DPP6: variants seen among roughly 807,000 people sequenced by gnomAD.
DPP6 encodes the protein dipeptidyl peptidase like 6.
DPP6 carries 69 observed loss-of-function variants against 122.6 expected under a neutral mutation model. The observed-to-expected ratio is 0.56, with a 90% CI of 0.46 to 0.69. The LOEUF (loss-of-function observed/expected upper bound fraction) is 0.69. DPP6 is among the 30% of genes least tolerant of loss of function. The pLI is 0.00. For synonymous variants in DPP6, 418 were observed against 433.1 expected (o/e 0.97, Z 0.43); for missense variants, 928 against 1,116.9 (o/e 0.83, Z 2.41).
intron 8 of DPP6, among the ~76,000 whole-genome samples, chr7:154,746,143 T>TC (rs1281386468): frequency 6.6e-6 from 1 of 152,132 alleles, no homozygotes; most frequent in African/African-American, 2.4e-5. Context: ...TTCCAGGATT[T>TC]CAGAAAGGGG....
At chr7:154,010,326 A>G (rs1391451026) in intron 1 of DPP6, among the ~76,000 whole-genome samples, 1 of 152,262 alleles carries the variant, frequency 6.6e-6, no homozygotes, top group Admixed American at 6.5e-5. Context: ...ATAGACACAT[A>G]CAACGGAAGC....
At chr7:153,975,555 A>C (rs11770762) in intron 1 of DPP6, among the ~76,000 whole-genome samples, 100,667 of 149,260 alleles carry the variant, frequency 0.67, 35,693 homozygotes, top group Non-Finnish European at 0.81. Context: ...TCTAAAAAAA[A>C]AAAAGAAAAT....
At chr7:154,063,105 C>A (rs1203147828) in intron 1 of DPP6, among the ~76,000 whole-genome samples, 21 of 132,886 alleles carry the variant, frequency 1.6e-4, no homozygotes, top group Non-Finnish European at 3.0e-4. Context: ...GCTGTTAGTA[C>A]CCCCATCGCA....
chr7:153,764,026 T>C, the DPP6 span, among the ~76,000 whole-genome samples: 1 of 152,218 alleles, frequency 6.6e-6, no homozygotes, highest in Non-Finnish European at 1.5e-5. Flanking sequence ...TTTCTCCAGC[T>C]GTCCCTTTAG....
At chr7:154,166,727 A>G (rs1797271659) in intron 1 of DPP6, among the ~76,000 whole-genome samples, 1 of 145,256 alleles carries the variant, frequency 6.9e-6, no homozygotes, top group Non-Finnish European at 1.5e-5. Flanking sequence ...CCTGGCCAAC[A>G]TGGCGAAACC....
chr7:154,270,695 C>A (rs1803727828), intron 1 of DPP6, among the ~76,000 whole-genome samples: 1 of 152,236 alleles, frequency 6.6e-6, no homozygotes, highest in Non-Finnish European at 1.5e-5. Context: ...GTGAGTAGGT[C>A]ACTTATTACC....
chr7:154,784,916 C>A (rs1259891384), intron 10 of DPP6, among the ~76,000 whole-genome samples: 1 of 152,128 alleles, frequency 6.6e-6, no homozygotes, highest in African/African-American at 2.4e-5. Context: ...CCTTTCCTGC[C>A]TTCTTTTCTT....
At chr7:153,864,692 C>G in the DPP6 span, among the ~76,000 whole-genome samples, 20 of 150,070 alleles carry the variant, frequency 1.3e-4, no homozygotes, top group African/African-American at 4.7e-4. Flanking sequence ...CACACACACA[C>G]ACACACACAC....
intron 10 of DPP6, among the ~76,000 whole-genome samples, chr7:154,789,710 T>C (rs537379613): frequency 6.6e-6 from 1 of 152,338 alleles, no homozygotes; most frequent in Admixed American, 6.5e-5. Flanking sequence ...AAGTAAATGT[T>C]TTATTTTCCC....
intron 4 of DPP6, among the ~76,000 whole-genome samples, chr7:154,563,910 T>C (rs1274522355): frequency 1.3e-5 from 2 of 152,160 alleles, no homozygotes. Flanking sequence ...AGACTGCGCA[T>C]GGTTTTTAGA....
chr7:154,340,416 C>A (rs966540050), intron 1 of DPP6, among the ~76,000 whole-genome samples: 1 of 152,208 alleles, frequency 6.6e-6, no homozygotes, highest in Non-Finnish European at 1.5e-5. Context: ...TGCTTCCTCT[C>A]CATCCCCAGC....
At chr7:154,008,946 T>A (rs1403638394) in intron 1 of DPP6, among the ~76,000 whole-genome samples, 2 of 148,554 alleles carry the variant, frequency 1.3e-5, no homozygotes, top group African/African-American at 4.9e-5. Context: ...ATTACAGGCG[T>A]GAGCCACCGC....
intron 3 of DPP6, among the ~76,000 whole-genome samples, chr7:154,476,639 A>T (rs1203213559): frequency 6.6e-6 from 1 of 152,224 alleles, no homozygotes; most frequent in African/African-American, 2.4e-5. Context: ...TCTTAAAGCG[A>T]TGGCTAGGAG....
the DPP6 span, among the ~76,000 whole-genome samples, chr7:153,801,619 C>G: frequency 1.3e-5 from 2 of 152,140 alleles, no homozygotes. Flanking sequence ...GACCCCTAAG[C>G]TATTAAGTGG....
chr7:154,857,957 T>G (rs1284241336), intron 17 of DPP6, among the ~76,000 whole-genome samples: 1 of 152,188 alleles, frequency 6.6e-6, no homozygotes, highest in Non-Finnish European at 1.5e-5. Context: ...TGCAGATGCC[T>G]GTTTCATCCA....
intron 1 of DPP6, among the ~76,000 whole-genome samples, chr7:154,404,942 C>T (rs1376715766): frequency 6.6e-6 from 1 of 152,122 alleles, no homozygotes; most frequent in East Asian, 1.9e-4. Flanking sequence ...AAAAGACATC[C>T]ATTAAAAATT....
At chr7:154,656,092 G>A (rs1057348033) in intron 6 of DPP6, among the ~76,000 whole-genome samples, 2 of 151,506 alleles carry the variant, frequency 1.3e-5, no homozygotes, top group African/African-American at 4.9e-5. Flanking sequence ...AGAGGAGCGG[G>A]GCTGCGGTCA....
Position 154,097,820 on chromosome 7 carries a change from C to T in DPP6, c.243+44757C>T, listed in dbSNP as rs149729929. On this transcript the variant is annotated intron_variant, in intron 1 of 25. Coordinates refer to ENST00000377770, the MANE Select transcript of DPP6 (RefSeq NM_130797.4). ...TTATGTGGCCTCTGGCAGGAGGCCTCGGGTGCTAGCCACGTAGGCCCTTCC... is the reference window on the plus strand; with the variant it reads ...TTATGTGGCCTCTGGCAGGAGGCCTTGGGTGCTAGCCACGTAGGCCCTTCC... 3.4e-3 allele frequency among the ~76,000 whole-genome samples: 513 copies of T among 152,256 alleles called. 5 individuals carry two copies. Among genetic ancestry groups the T allele is most frequent in the African/African-American group, 0.012 (484 of 41,532 alleles).
chr7:154,092,060 T>G (rs1227328550), intron 1 of DPP6: 1 of 151,964 alleles, frequency 6.6e-6, no homozygotes, highest in Non-Finnish European at 1.5e-5. Context: ...AGAAAGGGGT[T>G]CTCACAGACT....
Sources: allele counts gnomAD v4.1 joint callset (sites outside exome capture counted in the v4.1 genomes callset), GRCh38; gene constraint gnomAD v4.1.1; transcripts MANE v1.5; gene names NCBI Gene and HGNC (gene_info 2026-07-23, HGNC 2026-07-21).